Variants in GLRA3 observed in about 807,000 individuals in gnomAD.
The protein encoded by GLRA3 is glycine receptor alpha 3.
GLRA3 carries 44 observed loss-of-function variants against 60.4 expected under a neutral mutation model. The ratio of observed to expected loss-of-function variants is 0.73; its 90% CI spans 0.57 to 0.94. GLRA3 has a LOEUF of 0.94. Among genes scored for constraint, GLRA3 ranks in the 40% least tolerant of loss-of-function variants. The pLI is 0.00. For synonymous variants in GLRA3, 223 were observed against 192.9 expected (o/e 1.16, Z -1.29); for missense variants, 508 against 564.6 (o/e 0.90, Z 1.02).
intron 5 of GLRA3, among the ~76,000 whole-genome samples, chr4:174,704,402 T>C (rs974897826): frequency 3.5e-5 from 5 of 143,908 alleles, no homozygotes; most frequent in African/African-American, 1.3e-4. Flanking sequence ...AAAAGTCTAC[T>C]GATTCTCACA....
intron 5 of GLRA3, chr4:174,713,858 C>T (rs1197659250): frequency 2.0e-5 from 3 of 152,156 alleles, no homozygotes; most frequent in Non-Finnish European, 2.9e-5. Context: ...ACTTTTCACT[C>T]CCTCTTTGGC....
At chr4:174,790,518 G>T (rs1327617968) in intron 1 of GLRA3, among the ~76,000 whole-genome samples, 1 of 69,604 alleles carries the variant, frequency 1.4e-5, no homozygotes, top group Non-Finnish European at 3.0e-5. Context: ...GAAAAGCATC[G>T]TTGGATTTTG....
At chr4:174,644,166 T>C in intron 9 of GLRA3, 102 bp from the exon 10 acceptor site, 1 of 703,330 alleles carries the variant, frequency 1.4e-6, no homozygotes. Context: ...AATATTTACA[T>C]TAATATAAGG....
At position 174,733,462 on chromosome 4, in the gene GLRA3, G is replaced by A. The variant is rs150155195; in HGVS notation, c.268-4764C>T. On this transcript the variant is annotated intron_variant, in intron 3 of 9. Transcript: ENST00000274093. ...CAGTGCCAGTCAAATTTCAAAGATA[G>A]CAAAGGGCCCAGCCTGGAGCATGTC... is the stretch of plus-strand genomic sequence containing the variant. 1.6e-3 allele frequency among the ~76,000 whole-genome samples: 248 copies of A among 152,230 alleles called. 1 individual carries two copies. The highest frequency in any genetic ancestry group is 5.7e-3 in the African/African-American group (236 of 41,538).
chr4:174,816,990 C>T (rs1019043363), intron 1 of GLRA3, among the ~76,000 whole-genome samples: 2 of 152,116 alleles, frequency 1.3e-5, no homozygotes, highest in African/African-American at 2.4e-5. Flanking sequence ...ATTTCTGAGA[C>T]GATCTGACCA....
At chr4:174,769,686 A>G (rs1738305178) in intron 2 of GLRA3, among the ~76,000 whole-genome samples, 1 of 152,020 alleles carries the variant, frequency 6.6e-6, no homozygotes, top group African/African-American at 2.4e-5. Flanking sequence ...ATCCTCGTTC[A>G]TGGTCCCATA....
chr4:174,723,930 T>C (rs1203288694), intron 4 of GLRA3, among the ~76,000 whole-genome samples: 1 of 151,920 alleles, frequency 6.6e-6, no homozygotes, highest in Non-Finnish European at 1.5e-5. Flanking sequence ...AGTTCCCCTT[T>C]ATTCCTGCCC....
chr4:174,732,709 T>C (rs532251423), intron 3 of GLRA3, among the ~76,000 whole-genome samples: 42 of 152,106 alleles, frequency 2.8e-4, no homozygotes, highest in African/African-American at 8.9e-4. Context: ...AAGCAAATGC[T>C]GGAGATATAA....
chr4:174,728,722 G>GAA (rs3834804), intron 3 of GLRA3, 24 bp from the exon 4 acceptor site: 55 of 1,217,640 alleles, frequency 4.5e-5, no homozygotes, highest in South Asian at 5.8e-5. Flanking sequence ...ATGAAAGAAA[G>GAA]AAAAAAAAAA....
rs1374870640 is a variant in GLRA3 at position 174,637,342 on chromosome 4, ATAT to A, written c.*6441_*6443del. ...TTTGTTTTGTTTTTCATAGCATATCATATTATATCTGTAGAATGTCAGGGTACT... is the reference window on the plus strand; with the variant it reads ...TTTGTTTTGTTTTTCATAGCATATCATATATCTGTAGAATGTCAGGGTACT... On this transcript the variant is annotated 3_prime_UTR_variant, in exon 10 of 10. Transcript: ENST00000274093. 1 of 151,842 alleles carries A rather than the reference ATAT, an allele frequency of 6.6e-6. No homozygotes were observed. The highest frequency in any genetic ancestry group is 2.4e-5 in the African/African-American group (1 of 41,350). 9.4% of individuals were successfully genotyped at this position (151,842 alleles called of 1,614,324 possible). A position where few individuals can be genotyped will look rare whatever the true frequency, so the allele number is the denominator to read the frequency against.
chr4:174,716,978 A>T (rs12499257), intron 4 of GLRA3, among the ~76,000 whole-genome samples: 62,836 of 151,542 alleles, frequency 0.41, 13,271 homozygotes, highest in South Asian at 0.47. Context: ...AGAAGAGAGG[A>T]TCGCTTGAGC....
chr4:174,714,923 A>G (rs1161899146), intron 5 of GLRA3, among the ~76,000 whole-genome samples: 2 of 152,202 alleles, frequency 1.3e-5, no homozygotes, highest in African/African-American at 4.8e-5. Flanking sequence ...TCTGTGAGAA[A>G]GTGTGAGACA....
chr4:174,793,898 TA>T, intron 1 of GLRA3, among the ~76,000 whole-genome samples: 1 of 152,206 alleles, frequency 6.6e-6, no homozygotes, highest in Non-Finnish European at 1.5e-5. Context: ...AATAAAAGAC[TA>T]AGATTAATTA....
intron 1 of GLRA3, among the ~76,000 whole-genome samples, chr4:174,798,722 A>T (rs1164169782): frequency 6.6e-6 from 1 of 152,226 alleles, no homozygotes; most frequent in African/African-American, 2.4e-5. Flanking sequence ...CAGTAGACGG[A>T]GACCATCCTG....
chr4:174,732,703 A>T (rs1020001409), intron 3 of GLRA3, among the ~76,000 whole-genome samples: 1 of 152,132 alleles, frequency 6.6e-6, no homozygotes, highest in Non-Finnish European at 1.5e-5. Flanking sequence ...CAAAAAAAGC[A>T]AATGCTGGAG....
intron 1 of GLRA3, among the ~76,000 whole-genome samples, chr4:174,802,094 C>T (rs1739836078): frequency 6.6e-6 from 1 of 151,766 alleles, no homozygotes; most frequent in African/African-American, 2.4e-5. Context: ...AGAATTTGAT[C>T]CTCCAAACCA....
At chr4:174,747,944 T>C (rs1579545758) in intron 3 of GLRA3, among the ~76,000 whole-genome samples, 1 of 131,578 alleles carries the variant, frequency 7.6e-6, no homozygotes, top group East Asian at 4.2e-4. Context: ...TATGTTTTAA[T>C]GTTATTTTGG....
intron 1 of GLRA3, among the ~76,000 whole-genome samples, chr4:174,816,469 T>A (rs1241200634): frequency 1.3e-5 from 2 of 152,214 alleles, no homozygotes; most frequent in Non-Finnish European, 2.9e-5. Context: ...ACTATACATA[T>A]CTAGAACTTA....
intron 3 of GLRA3, among the ~76,000 whole-genome samples, chr4:174,763,171 G>A (rs938272014): frequency 2.0e-5 from 3 of 152,160 alleles, no homozygotes; most frequent in African/African-American, 4.8e-5. Flanking sequence ...TGGGGAAAAA[G>A]CACTCAGGTC....
Sources: allele counts gnomAD v4.1 joint callset (sites outside exome capture counted in the v4.1 genomes callset), GRCh38; gene constraint gnomAD v4.1.1; transcripts MANE v1.5; gene names NCBI Gene and HGNC (gene_info 2026-07-23, HGNC 2026-07-21).